Variants in MAGI2 observed in about 807,000 individuals in gnomAD.
The protein encoded by MAGI2 is membrane-associated guanylate kinase, WW and PDZ domain-containing protein 2.
A neutral mutation model predicts 133.3 loss-of-function variants in MAGI2; 35 were observed. That is an observed-to-expected ratio of 0.26 (90% CI 0.20 to 0.35). The LOEUF (loss-of-function observed/expected upper bound fraction) is 0.35. Among genes scored for constraint, MAGI2 ranks in the 10% least tolerant of loss-of-function variants. The pLI, the probability that MAGI2 is intolerant of heterozygous loss-of-function variation, is 1.00. For missense variants in MAGI2, 1,636 were observed against 1,863.4 expected (o/e 0.88, Z 2.25); for synonymous variants, 729 against 710.6 (o/e 1.03, Z -0.41).
intron 9 of MAGI2, among the ~76,000 whole-genome samples, chr7:78,293,827 T>C (rs1796962570): frequency 6.6e-6 from 1 of 152,080 alleles, no homozygotes; most frequent in Non-Finnish European, 1.5e-5. Context: ...GAGCAAACTA[T>C]TGCAAGGACA....
At chr7:78,374,694 T>A (rs1794268421) in intron 6 of MAGI2, among the ~76,000 whole-genome samples, 1 of 152,066 alleles carries the variant, frequency 6.6e-6, no homozygotes, top group Non-Finnish European at 1.5e-5. Flanking sequence ...CTTTTTTCAT[T>A]GTGTCTTGCC....
intron 3 of MAGI2, among the ~76,000 whole-genome samples, chr7:78,559,136 CAAAAAAAAAAAAAAAAAAAA>C (rs71085541): frequency 5.5e-5 from 3 of 54,726 alleles, no homozygotes; most frequent in African/African-American, 8.1e-5. Context: ...TCTGAATTTC[CAAAAAAAAAAAAAAAAAAAA>C]AAAAAAAAAA....
intron 6 of MAGI2, among the ~76,000 whole-genome samples, chr7:78,441,569 T>G (rs1584136047): frequency 1.3e-5 from 2 of 151,998 alleles, no homozygotes; most frequent in South Asian, 4.1e-4. Flanking sequence ...AGTTTACAGC[T>G]CCACTTACCT....
chr7:79,278,111 C>T (rs1400441549), intron 1 of MAGI2, among the ~76,000 whole-genome samples: 3 of 152,152 alleles, frequency 2.0e-5, no homozygotes, highest in Non-Finnish European at 4.4e-5. Context: ...GCAGATCCCT[C>T]ATGAATGACT....
chr7:78,270,847 G>A (rs1423580393), intron 9 of MAGI2, among the ~76,000 whole-genome samples: 2 of 152,096 alleles, frequency 1.3e-5, no homozygotes, highest in African/African-American at 4.8e-5. Flanking sequence ...ATTCTTCTCA[G>A]CAACACGTCT....
chr7:78,966,009 A>G lies in MAGI2; in HGVS notation c.418+41081T>C, dbSNP rs777439496. Among the ~76,000 whole-genome samples, 40 of 152,072 alleles carry G rather than the reference A, an allele frequency of 2.6e-4. 1 individual carries two copies. The highest frequency in any genetic ancestry group is 1.0e-4 in the Non-Finnish European group (7 of 68,004). ...GATATAAGGCCCAAGTTCCATCTAC[A>G]GAGAATAATAGAGTATAGTTTCCCC... On this transcript the variant is annotated intron_variant, in intron 2 of 21. Coordinates refer to ENST00000354212, the MANE Select transcript of MAGI2 (RefSeq NM_012301.4).
At chr7:78,653,932 T>C (rs146699949) in intron 2 of MAGI2, among the ~76,000 whole-genome samples, 1 of 152,292 alleles carries the variant, frequency 6.6e-6, no homozygotes, top group East Asian at 1.9e-4. Context: ...GTGCAAGAGA[T>C]AGTTATAAAA....
At chr7:79,028,235 G>GTATATATCTA (rs1554336343) in intron 1 of MAGI2, among the ~76,000 whole-genome samples, 1 of 29,334 alleles carries the variant, frequency 3.4e-5, no homozygotes, top group African/African-American at 9.2e-5. Context: ...ATATATGTAT[G>GTATATATCTA]TATATATATA....
intron 2 of MAGI2, among the ~76,000 whole-genome samples, chr7:78,872,046 T>C (rs1795072819): frequency 6.6e-6 from 1 of 151,832 alleles, no homozygotes; most frequent in Admixed American, 6.6e-5. Context: ...TTTTTTTTTC[T>C]TTCAGTTAGC....
chr7:79,389,904 T>G (rs1044576755), intron 1 of MAGI2, among the ~76,000 whole-genome samples: 2 of 152,254 alleles, frequency 1.3e-5, no homozygotes, highest in Non-Finnish European at 1.5e-5. Flanking sequence ...GAGACTCCTA[T>G]GCAAAACTGA....
intron 1 of MAGI2, among the ~76,000 whole-genome samples, chr7:79,138,755 C>T (rs1249196644): frequency 1.3e-5 from 2 of 152,060 alleles, no homozygotes; most frequent in Non-Finnish European, 2.9e-5. Context: ...CCACCTAACC[C>T]AGCACTGTGG....
chr7:78,657,060 A>C (rs949666552), intron 2 of MAGI2, among the ~76,000 whole-genome samples: 23 of 152,168 alleles, frequency 1.5e-4, no homozygotes, highest in African/African-American at 5.1e-4. Flanking sequence ...AGGAGATGGC[A>C]AATAAGAATA....
chr7:78,210,922 A>C (rs1166800732), intron 10 of MAGI2, among the ~76,000 whole-genome samples: 1 of 152,142 alleles, frequency 6.6e-6, no homozygotes, highest in Admixed American at 6.5e-5. Context: ...GAAGAAATGG[A>C]AGGTGAGGAA....
At chr7:78,666,299 G>GA (rs1317470474) in intron 2 of MAGI2, among the ~76,000 whole-genome samples, 2 of 152,072 alleles carry the variant, frequency 1.3e-5, no homozygotes, top group Non-Finnish European at 2.9e-5. Context: ...CAAAAAGACA[G>GA]AAACAAATAT....
intron 21 of MAGI2, among the ~76,000 whole-genome samples, chr7:78,074,568 C>T (rs961141141): frequency 6.6e-6 from 1 of 152,082 alleles, no homozygotes; most frequent in Non-Finnish European, 1.5e-5. Context: ...TTGGCTATAT[C>T]TACTGGTTAA....
intron 1 of MAGI2, among the ~76,000 whole-genome samples, chr7:79,020,765 T>TAAAAA (rs3069467): frequency 1.5e-3 from 205 of 139,112 alleles, no homozygotes; most frequent in South Asian, 3.4e-3. Flanking sequence ...GACTCTGTCT[T>TAAAAA]AAAAAAAAAA....
At chr7:78,984,166 A>G (rs957881237) in intron 2 of MAGI2, among the ~76,000 whole-genome samples, 2 of 151,888 alleles carry the variant, frequency 1.3e-5, no homozygotes, top group African/African-American at 2.4e-5. Flanking sequence ...TTCACAATTT[A>G]TCCAAAATCT....
At chr7:79,163,203 G>A (rs1824557720) in intron 1 of MAGI2, among the ~76,000 whole-genome samples, 1 of 152,004 alleles carries the variant, frequency 6.6e-6, no homozygotes, top group Non-Finnish European at 1.5e-5. Context: ...TTGAGACAGG[G>A]TCTTACTCAT....
intron 3 of MAGI2, among the ~76,000 whole-genome samples, chr7:78,573,094 CGGAGAG>C: frequency 1.0e-5 from 1 of 96,400 alleles, no homozygotes; most frequent in Non-Finnish European, 2.0e-5. Context: ...CACACACACA[CGGAGAG>C]ATATACATAT....
Sources: gnomAD v4.1 joint callset for allele counts (sites outside exome capture counted in the v4.1 genomes callset) on GRCh38, gnomAD v4.1.1 for gene constraint, MANE v1.5 for transcripts, NCBI Gene and HGNC (gene_info 2026-07-23, HGNC 2026-07-21) for gene names.